LINGO2: variants seen among roughly 807,000 people sequenced by gnomAD.
The protein encoded by LINGO2 is leucine-rich repeat and immunoglobulin-like domain-containing nogo receptor-interacting protein 2.
A neutral mutation model predicts 30.6 loss-of-function variants in LINGO2; 14 were observed. The ratio of observed to expected loss-of-function variants is 0.46; its 90% CI spans 0.30 to 0.72. The LOEUF (loss-of-function observed/expected upper bound fraction) is 0.72, where lower values mean the gene tolerates loss of function less well. LINGO2 is among the 30% of genes least tolerant of loss of function. The pLI, the probability that LINGO2 is intolerant of heterozygous loss-of-function variation, is 0.07. For synonymous variants in LINGO2, 317 were observed against 288.5 expected (o/e 1.10, Z -1.00); for missense variants, 729 against 751.7 (o/e 0.97, Z 0.35).
chr9:28,234,855 C>A (rs932839082), intron 4 of LINGO2, among the ~76,000 whole-genome samples: 19 of 149,350 alleles, frequency 1.3e-4, no homozygotes, highest in Non-Finnish European at 2.5e-4. Flanking sequence ...TCAATAAACT[C>A]CCCTTTATAT....
intron 1 of LINGO2, among the ~76,000 whole-genome samples, chr9:28,542,768 G>A (rs1821757225): frequency 1.3e-5 from 2 of 151,996 alleles, no homozygotes; most frequent in African/African-American, 4.8e-5. Context: ...TGATTCATGA[G>A]AGCAGTGATG....
At chr9:28,906,817 T>A in the LINGO2 span, among the ~76,000 whole-genome samples, 1 of 151,926 alleles carries the variant, frequency 6.6e-6, no homozygotes, top group South Asian at 2.1e-4. Context: ...AGAAACAATA[T>A]ATACACAAAA....
intron 4 of LINGO2, among the ~76,000 whole-genome samples, chr9:28,039,231 G>C (rs1824088379): frequency 6.6e-6 from 1 of 152,176 alleles, no homozygotes; most frequent in Non-Finnish European, 1.5e-5. Flanking sequence ...ATGTTTCCCA[G>C]AGGAATAAGG....
chr9:28,100,412 A>T (rs910508618), intron 4 of LINGO2, among the ~76,000 whole-genome samples: 2 of 152,194 alleles, frequency 1.3e-5, no homozygotes, highest in African/African-American at 4.8e-5. Flanking sequence ...TTAAATAGAT[A>T]AATCAGAGTA....
At chr9:29,197,775 T>C in the LINGO2 span, among the ~76,000 whole-genome samples, 21 of 152,210 alleles carry the variant, frequency 1.4e-4, 2 homozygotes, top group Admixed American at 7.2e-4. Context: ...GTCTAAAAGA[T>C]TGATTCACTG....
rs192777994 is a variant in LINGO2, at chr9:28,198,878, G to T, written c.-87+96330C>A. Reference sequence around the variant, plus strand: ...AAAATGGACCTTAAATGTCCCATCCGTTGCTAGCTTTTGAATGATTTCCTG... The same window carrying T: ...AAAATGGACCTTAAATGTCCCATCCTTTGCTAGCTTTTGAATGATTTCCTG... On this transcript the variant is annotated intron_variant, in intron 4 of 5. Coordinates refer to ENST00000379992, the Ensembl canonical transcript of LINGO2. Among the ~76,000 whole-genome samples, 81 of 152,174 alleles carry T rather than the reference G, an allele frequency of 5.3e-4. 1 individual carries two copies. The highest frequency in any genetic ancestry group is 9.7e-4 in the Non-Finnish European group (66 of 68,000).
intron 3 of LINGO2, among the ~76,000 whole-genome samples, chr9:28,361,273 ATTAG>A (rs1275332610): frequency 6.6e-6 from 1 of 152,210 alleles, no homozygotes; most frequent in Non-Finnish European, 1.5e-5. Flanking sequence ...ATATTTAATT[ATTAG>A]TTATTGTTGT....
the LINGO2 span, among the ~76,000 whole-genome samples, chr9:28,967,105 T>C: frequency 1.3e-5 from 2 of 152,128 alleles, no homozygotes; most frequent in Non-Finnish European, 2.9e-5. Flanking sequence ...GTATCTCTAA[T>C]GCCAACTGCC....
chr9:28,971,934 G>A, the LINGO2 span, among the ~76,000 whole-genome samples: 1 of 152,188 alleles, frequency 6.6e-6, no homozygotes, highest in Admixed American at 6.5e-5. Flanking sequence ...CCCAGCTTTA[G>A]GTTGCTCAGA....
At chr9:28,230,238 GAA>G (rs1187693559) in intron 4 of LINGO2, among the ~76,000 whole-genome samples, 1 of 151,784 alleles carries the variant, frequency 6.6e-6, no homozygotes, top group Non-Finnish European at 1.5e-5. Context: ...ATTAAAATGT[GAA>G]AAACAGTTGA....
intron 3 of LINGO2, among the ~76,000 whole-genome samples, chr9:28,368,252 T>C (rs1820754010): frequency 6.6e-6 from 1 of 152,176 alleles, no homozygotes; most frequent in Non-Finnish European, 1.5e-5. Context: ...TTTCCTTCTG[T>C]TTATTGCAGA....
chr9:28,817,097 T>C, the LINGO2 span, among the ~76,000 whole-genome samples: 1 of 152,142 alleles, frequency 6.6e-6, no homozygotes, highest in Non-Finnish European at 1.5e-5. Context: ...AACAGGTCCA[T>C]AAGTTTTGCC....
intron 4 of LINGO2, among the ~76,000 whole-genome samples, chr9:28,142,757 GCTAGCC>G (rs1827709277): frequency 6.6e-6 from 1 of 152,152 alleles, no homozygotes; most frequent in South Asian, 2.1e-4. Context: ...GGTTAAGGAT[GCTAGCC>G]CTTTATGTCC....
At chr9:28,657,570 C>A (rs1402620474) in intron 1 of LINGO2, among the ~76,000 whole-genome samples, 1 of 151,258 alleles carries the variant, frequency 6.6e-6, no homozygotes. Flanking sequence ...TCTTATAATC[C>A]TTTTCATTGA....
At chr9:28,795,983 T>TACACACACACACACAC in the LINGO2 span, among the ~76,000 whole-genome samples, 46 of 138,242 alleles carry the variant, frequency 3.3e-4, no homozygotes, top group East Asian at 1.5e-3. Flanking sequence ...CAGTACTAGA[T>TACACACACACACACAC]ACACACACAC....
At chr9:29,142,816 TAAG>T in the LINGO2 span, among the ~76,000 whole-genome samples, 2 of 151,906 alleles carry the variant, frequency 1.3e-5, no homozygotes, top group African/African-American at 4.8e-5. Context: ...ATAAAGAAGT[TAAG>T]AAAATAAAAA....
the LINGO2 span, among the ~76,000 whole-genome samples, chr9:29,029,164 T>G: frequency 2.0e-5 from 3 of 152,112 alleles, no homozygotes; most frequent in Non-Finnish European, 2.9e-5. Context: ...TTATCCATCT[T>G]TGAACGCCAA....
chr9:28,688,646 G>C, the LINGO2 span, among the ~76,000 whole-genome samples: 2 of 152,094 alleles, frequency 1.3e-5, no homozygotes, highest in African/African-American at 4.8e-5. Flanking sequence ...TAAACAACAA[G>C]AACTAATTAT....
At chr9:28,196,793 T>C (rs1820029348) in intron 4 of LINGO2, among the ~76,000 whole-genome samples, 5 of 151,894 alleles carry the variant, frequency 3.3e-5, no homozygotes. Context: ...ACAAAATAAG[T>C]CAGGTATAGA....
Sources: allele counts gnomAD v4.1 joint callset (sites outside exome capture counted in the v4.1 genomes callset), GRCh38; gene constraint gnomAD v4.1.1; transcripts MANE v1.5; gene names NCBI Gene and HGNC (gene_info 2026-07-23, HGNC 2026-07-21).